Variants in ZNF618 observed in about 807,000 individuals in gnomAD.
The protein encoded by ZNF618 is neural precursor cell expressed, developmentally down-regulated 10.
A neutral mutation model predicts 103.0 loss-of-function variants in ZNF618; 34 were observed. That is an observed-to-expected ratio of 0.33 (90% confidence interval 0.25 to 0.44). ZNF618 has a LOEUF of 0.44. Among genes scored for constraint, ZNF618 ranks in the 20% least tolerant of loss-of-function variants. ZNF618 has a pLI of 1.00. For missense variants in ZNF618, 1,059 were observed against 1,295.4 expected, an observed-to-expected ratio of 0.82 and a Z score of 2.80; for synonymous variants, 551 against 542.2, an observed-to-expected ratio of 1.02 and a Z score of -0.23.
At position 113,993,821 on chromosome 9, in the gene ZNF618, A is replaced by G. The variant is rs375715998; in HGVS notation, c.338-4438A>G. 1.5e-4 allele frequency among the ~76,000 whole-genome samples: 23 copies of G among 152,320 alleles called. No individual in the cohort carries two copies. In the East Asian group the frequency reaches 1.7e-3, roughly 11 times the overall value. On this transcript the variant is annotated intron_variant, in intron 3 of 14. Coordinates refer to ENST00000374126, the MANE Select transcript of ZNF618 (RefSeq NM_001318042.2). The stretch of plus-strand genomic sequence containing the variant: ...AATCTAAATATTCACAACTTACAGC[A>G]TTTTGCAAGGTGCGCATGGAGCAGA...
At chr9:113,959,979 C>A (rs1158728648) in intron 1 of ZNF618, among the ~76,000 whole-genome samples, 1 of 152,230 alleles carries the variant, frequency 6.6e-6, no homozygotes, top group South Asian at 2.1e-4. Flanking sequence ...TCCATCTCTC[C>A]CAGGGGCCCA....
intron 5 of ZNF618, 128 bp downstream of exon 5, chr9:114,002,201 A>G (rs1272341219): frequency 1.2e-6 from 1 of 835,932 alleles, no homozygotes; most frequent in African/African-American, 1.7e-5. Context: ...TTCTCCTCCT[A>G]CTTTCATCAG....
At chr9:113,948,458 T>C (rs1210011753) in intron 1 of ZNF618, among the ~76,000 whole-genome samples, 1 of 152,240 alleles carries the variant, frequency 6.6e-6, no homozygotes. Context: ...TGGGCAAGGC[T>C]TTGGGCCTCA....
intron 1 of ZNF618, among the ~76,000 whole-genome samples, chr9:113,908,920 G>A (rs1409836129): frequency 2.0e-5 from 3 of 151,662 alleles, no homozygotes; most frequent in Non-Finnish European, 4.4e-5. Flanking sequence ...CCCCTTCTGG[G>A]GACGGTGATT....
chr9:113,946,595 G>A (rs896354781), intron 1 of ZNF618, among the ~76,000 whole-genome samples: 2 of 152,126 alleles, frequency 1.3e-5, no homozygotes, highest in African/African-American at 2.4e-5. Context: ...CTGACCCAGC[G>A]TGTAATTACC....
chr9:114,008,420 G>T, intron 8 of ZNF618, 41 bp downstream of exon 8: 3 of 1,613,942 alleles, frequency 1.9e-6, no homozygotes, highest in Non-Finnish European at 2.5e-6. Flanking sequence ...CCTGTCCCCG[G>T]CTGGGCTCCT....
At chr9:113,952,184 G>A (rs909030131) in intron 1 of ZNF618, among the ~76,000 whole-genome samples, 3 of 152,116 alleles carry the variant, frequency 2.0e-5, no homozygotes, top group Non-Finnish European at 4.4e-5. Context: ...TATTTGGTCC[G>A]CAGCATTTCA....
intron 3 of ZNF618, among the ~76,000 whole-genome samples, chr9:113,996,879 G>A (rs1289203872): frequency 6.6e-6 from 1 of 152,170 alleles, no homozygotes; most frequent in East Asian, 1.9e-4. Context: ...CAGGTGACCT[G>A]GGGTGGTGGC....
Position 114,028,870 on chromosome 9 carries a change from G to A in ZNF618, c.982G>A (p.Val328Met), listed in dbSNP as rs761694021. ...NQSGKKAPAS[V>M]VRCATLLHRT... ...GTCGGGGAAAAAAGCTCCGGCCTCC[G>A]TGGTCCGATGTGCCACCCTCTTACA... The change falls in exon 11 of 15, where the codon GTG becomes ATG. Residue 328 changes from valine to methionine, a missense_variant. Transcript: ENST00000374126. 13 of 1,550,486 alleles carry A rather than the reference G, an allele frequency of 8.4e-6. No individual in the cohort carries two copies. Among genetic ancestry groups the A allele is most frequent in the East Asian group, 4.9e-5 (2 of 40,924 alleles).
intron 1 of ZNF618, among the ~76,000 whole-genome samples, chr9:113,932,872 G>A (rs1833721740): frequency 6.6e-6 from 1 of 152,136 alleles, no homozygotes; most frequent in Non-Finnish European, 1.5e-5. Flanking sequence ...TGGAGCGCAG[G>A]CGAGCAGTGG....
Position 113,884,774 on chromosome 9 carries a change from C to CACACACAG in ZNF618, c.33+8362_33+8363insCACACAGA, listed in dbSNP as rs1205428615. 8.8e-4 allele frequency among the ~76,000 whole-genome samples: 125 copies of CACACACAG among 142,288 alleles called. 2 individuals are homozygous for CACACACAG. In the East Asian group the frequency reaches 0.015, roughly 17 times the overall value. 93.3% of individuals were successfully genotyped at this position (142,288 alleles called of 152,430 possible). On this transcript the variant is annotated intron_variant, in intron 1 of 14. Coordinates refer to ENST00000374126, the MANE Select transcript of ZNF618 (RefSeq NM_001318042.2). ...CCTTCCTTATCGAGACACAAACACA[C>CACACACAG]AGAGAGAGAGAGAGAGAGAGAGAGA...
At chr9:114,034,417 C>T (rs547449874) in intron 12 of ZNF618, among the ~76,000 whole-genome samples, 22 of 152,336 alleles carry the variant, frequency 1.4e-4, no homozygotes, top group Admixed American at 9.1e-4. Context: ...CAATCGGGAA[C>T]GATAGCGCAA....
At chr9:114,016,565 C>G in intron 9 of ZNF618, 130 bp from the exon 10 acceptor site, 1 of 700,330 alleles carries the variant, frequency 1.4e-6, no homozygotes, top group African/African-American at 1.8e-5. Context: ...TCTTCTAACT[C>G]CAGAGTCAGA....
chr9:114,052,853 T>C lies in ZNF618; in HGVS notation c.*2686T>C, dbSNP rs757736507. ...TTAGAGCACTCAGCATTCTTCTCTT[T>C]GAAGCATGGGATGTCTGTCCTCCAG... On this transcript the variant is annotated 3_prime_UTR_variant, in exon 15 of 15. Coordinates refer to ENST00000374126, the MANE Select transcript of ZNF618 (RefSeq NM_001318042.2). The C allele has an allele frequency of 7.2e-5, 11 of 152,262 alleles. No homozygotes were observed. The highest frequency in any genetic ancestry group is 2.9e-5 in the Non-Finnish European group (2 of 68,044). 9.4% of individuals were successfully genotyped at this position (152,262 alleles called of 1,614,324 possible).
intron 3 of ZNF618, among the ~76,000 whole-genome samples, chr9:113,993,153 C>A (rs924697684): frequency 1.5e-4 from 23 of 152,310 alleles, no homozygotes; most frequent in African/African-American, 5.3e-4. Context: ...GAAGGAAGGG[C>A]AGACCACACT....
chr9:113,881,853 C>T (rs530238627), intron 1 of ZNF618, among the ~76,000 whole-genome samples: 13 of 152,338 alleles, frequency 8.5e-5, no homozygotes, highest in South Asian at 4.1e-4. Flanking sequence ...TTTGTCCCAA[C>T]GCAGACTTCT....
chr9:113,934,409 T>G (rs1478733289), intron 1 of ZNF618, among the ~76,000 whole-genome samples: 1 of 152,198 alleles, frequency 6.6e-6, no homozygotes, highest in East Asian at 1.9e-4. Flanking sequence ...CTTCCTCATC[T>G]GCAGAGTGTA....
intron 1 of ZNF618, among the ~76,000 whole-genome samples, chr9:113,923,447 T>G (rs117668462): frequency 1.2e-3 from 179 of 152,268 alleles, no homozygotes; most frequent in Non-Finnish European, 1.6e-3. Flanking sequence ...ATGTTCTTGA[T>G]CAAGTTGAGG....
chr9:113,891,461 G>A (rs1363479753), intron 1 of ZNF618, among the ~76,000 whole-genome samples: 1 of 152,112 alleles, frequency 6.6e-6, no homozygotes, highest in Non-Finnish European at 1.5e-5. Context: ...TAGTATGGCT[G>A]TTATTTTTTT....
Sources: gnomAD v4.1 joint callset for allele counts (sites outside exome capture counted in the v4.1 genomes callset) on GRCh38, gnomAD v4.1.1 for gene constraint, MANE v1.5 for transcripts, NCBI Gene and HGNC (gene_info 2026-07-23, HGNC 2026-07-21) for gene names.